The following MRPS27 variants were observed in gnomAD, a reference collection of about 807,000 sequenced individuals.
The protein encoded by MRPS27 is small ribosomal subunit protein mS27.
In MRPS27, 43 loss-of-function variants were observed where a neutral mutation model predicts 48.9. The ratio of observed to expected loss-of-function variants is 0.88; its 90% CI spans 0.69 to 1.13. The LOEUF (loss-of-function observed/expected upper bound fraction) is 1.13, where lower values mean the gene tolerates loss of function less well. Among genes scored for constraint, MRPS27 ranks in the 50% most tolerant of loss-of-function variants. MRPS27 has a pLI of 0.00. For synonymous variants in MRPS27, 188 were observed against 171.9 expected, an observed-to-expected ratio of 1.09 and a Z score of -0.73; for missense variants, 467 against 476.3, an observed-to-expected ratio of 0.98 and a Z score of 0.18.
intron 2 of MRPS27, among the ~76,000 whole-genome samples, chr5:72,305,224 C>A (rs1009783918): frequency 1.6e-4 from 25 of 152,114 alleles, no homozygotes; most frequent in Admixed American, 6.5e-5. Context: ...GTGATGTGCA[C>A]AAGTCAGACC....
intron 4 of MRPS27, among the ~76,000 whole-genome samples, chr5:72,273,977 T>G (rs1749311678): frequency 6.6e-6 from 1 of 152,196 alleles, no homozygotes; most frequent in South Asian, 2.1e-4. Flanking sequence ...GCACAAAAAT[T>G]CCTTATGATC....
intron 6 of MRPS27, 101 bp from the exon 7 acceptor site, chr5:72,232,659 T>TA (rs888676672): frequency 3.0e-5 from 24 of 791,902 alleles, no homozygotes; most frequent in Non-Finnish European, 4.4e-5. Context: ...GGGCATGGTT[T>TA]AAAAAAATGC....
At chr5:72,257,573 C>T (rs1447830878) in intron 4 of MRPS27, among the ~76,000 whole-genome samples, 2 of 152,140 alleles carry the variant, frequency 1.3e-5, no homozygotes, top group Non-Finnish European at 2.9e-5. Flanking sequence ...ACCAAAATTT[C>T]ATATTCTTGG....
At chr5:72,267,910 T>A (rs1033705768) in intron 4 of MRPS27, among the ~76,000 whole-genome samples, 1 of 152,080 alleles carries the variant, frequency 6.6e-6, no homozygotes, top group Non-Finnish European at 1.5e-5. Flanking sequence ...CACTGCAGAA[T>A]ACTTGGCCAA....
chr5:72,271,128 T>C (rs1749230010), intron 4 of MRPS27, among the ~76,000 whole-genome samples: 1 of 152,170 alleles, frequency 6.6e-6, no homozygotes, highest in East Asian at 1.9e-4. Context: ...GTATTGGAAG[T>C]CCTAGCTAGT....
chr5:72,224,636 T>C (rs915018150), intron 9 of MRPS27, among the ~76,000 whole-genome samples: 3 of 152,160 alleles, frequency 2.0e-5, no homozygotes, highest in African/African-American at 4.8e-5. Flanking sequence ...CTCAGAAAGA[T>C]TTTTAGCTCA....
chr5:72,281,752 T>C (rs1464254346), intron 4 of MRPS27, among the ~76,000 whole-genome samples: 1 of 152,200 alleles, frequency 6.6e-6, no homozygotes, highest in Non-Finnish European at 1.5e-5. Context: ...ATTCAGCAAA[T>C]GGAGGACTAT....
Position 72,228,342 on chromosome 5 carries a change from T to A in MRPS27, c.618A>T (p.Ala206=), listed in dbSNP as rs765485644. The stretch of plus-strand genomic sequence containing the variant: ...GTTTTAGGCCTGGAAGCAAAAGGGA[T>A]GCACCAAAGTTCCTCTCCTCTTCCC... ...FSWEEERNFG[A]SLLLPGLKQK... Residue 206 remains alanine, a synonymous_variant, in exon 8 of 11, where the codon GCA becomes GCT. Transcript: ENST00000261413. 1 of 1,613,316 alleles carries A rather than the reference T, an allele frequency of 6.2e-7. No individual in the cohort carries two copies. The highest frequency in any genetic ancestry group is 1.1e-5 in the South Asian group (1 of 91,002).
intron 4 of MRPS27, among the ~76,000 whole-genome samples, chr5:72,286,478 C>T (rs572136376): frequency 6.6e-6 from 1 of 151,984 alleles, no homozygotes; most frequent in African/African-American, 2.4e-5. Context: ...GGTACAAAGG[C>T]AATTTAAAAA....
In MRPS27 at chr5:72,238,140, C is replaced by T. The variant is rs747173833; in HGVS notation, c.282-12G>A. The T allele has an allele frequency of 1.3e-6, 2 of 1,590,110 alleles. No homozygotes were observed. Among genetic ancestry groups the T allele is most frequent in the South Asian group, 1.1e-5 (1 of 90,528 alleles). On this transcript the variant is annotated splice_polypyrimidine_tract_variant and intron_variant, in intron 4 of 10. Transcript: ENST00000261413. ...GGCTGTGTCGAAACCTAAATAAGCA[C>T]AAGAAGAGAGAAAACTGGTGTTAAC...
intron 4 of MRPS27, among the ~76,000 whole-genome samples, chr5:72,246,437 T>C (rs1455753499): frequency 6.6e-6 from 1 of 152,182 alleles, no homozygotes; most frequent in East Asian, 1.9e-4. Context: ...TTAATGCAAG[T>C]TGAGGGAACA....
chr5:72,303,276 T>C (rs1438753281), intron 2 of MRPS27, among the ~76,000 whole-genome samples: 2 of 152,210 alleles, frequency 1.3e-5, no homozygotes, highest in African/African-American at 4.8e-5. Flanking sequence ...ATATACATAG[T>C]TTATTTTATG....
intron 4 of MRPS27, among the ~76,000 whole-genome samples, chr5:72,240,302 G>A (rs923779609): frequency 6.6e-5 from 10 of 152,246 alleles, no homozygotes; most frequent in African/African-American, 1.7e-4. Flanking sequence ...AATAATACGA[G>A]GTGGAGCATG....
chr5:72,244,691 T>A (rs1402352807), intron 4 of MRPS27, among the ~76,000 whole-genome samples: 1 of 152,102 alleles, frequency 6.6e-6, no homozygotes, highest in African/African-American at 2.4e-5. Flanking sequence ...TTTTTTTTGT[T>A]TTTTTAAGTA....
intron 2 of MRPS27, among the ~76,000 whole-genome samples, chr5:72,306,353 T>G (rs981803137): frequency 6.6e-6 from 1 of 152,236 alleles, no homozygotes; most frequent in Non-Finnish European, 1.5e-5. Context: ...GTGTGCTTAC[T>G]GACACAAGTA....
intron 6 of MRPS27, 114 bp downstream of exon 6, chr5:72,234,005 C>T (rs866790662): frequency 6.1e-5 from 70 of 1,148,168 alleles, no homozygotes; most frequent in African/African-American, 5.7e-4. Context: ...TCTGACTAAA[C>T]GAGTAATGAA....
At chr5:72,238,173 T>C in intron 4 of MRPS27, 45 bp from the exon 5 acceptor site, 1 of 1,286,750 alleles carries the variant, frequency 7.8e-7, no homozygotes, top group Non-Finnish European at 1.1e-6. Flanking sequence ...AACTCTTATA[T>C]GTTAAAACAC....
intron 5 of MRPS27, 54 bp from the exon 6 acceptor site, chr5:72,234,251 C>A: frequency 7.5e-7 from 1 of 1,327,068 alleles, no homozygotes; most frequent in South Asian, 1.7e-5. Flanking sequence ...CTAATTTAGT[C>A]TGTAATATAT....
At chr5:72,234,017 A>G (rs1247283446) in intron 6 of MRPS27, 102 bp downstream of exon 6, 93 of 1,231,760 alleles carry the variant, frequency 7.6e-5, no homozygotes, top group Non-Finnish European at 9.8e-5. Context: ...AGTAATGAAG[A>G]GATGTTATTA....
Sources: allele counts gnomAD v4.1 joint callset (sites outside exome capture counted in the v4.1 genomes callset), GRCh38; gene constraint gnomAD v4.1.1; transcripts MANE v1.5; gene names NCBI Gene and HGNC (gene_info 2026-07-23, HGNC 2026-07-21).